Variants in MAN2B2 observed in about 807,000 individuals in gnomAD.
The protein encoded by MAN2B2 is epididymis-specific alpha-mannosidase.
MAN2B2 carries 106 observed loss-of-function variants against 117.1 expected under a neutral mutation model. The observed-to-expected ratio is 0.90, with a 90% CI of 0.77 to 1.06. MAN2B2 has a LOEUF of 1.06. Among genes scored for constraint, MAN2B2 ranks in the 50% least tolerant of loss-of-function variants. The pLI, the probability that MAN2B2 is intolerant of heterozygous loss-of-function variation, is 0.00. For synonymous variants in MAN2B2, 544 were observed against 595.1 expected, an observed-to-expected ratio of 0.91 and a Z score of 1.25; for missense variants, 1,326 against 1,381.4, an observed-to-expected ratio of 0.96 and a Z score of 0.64.
rs866457921 is a variant in MAN2B2 at position 6,621,196 on chromosome 4, ACCTCTC to A, written c.2946_2951del (p.Pro983_Ser984del). 2.6e-5 allele frequency: 42 copies of A among 1,613,582 alleles called. No individual in the cohort carries two copies. The Admixed American group carries it at 4.7e-4, about 18-fold the overall frequency. The stretch of plus-strand genomic sequence containing the variant: ...CACCTCTGTTCCCCTAGGTGACACC[ACCTCTC>A]CCTCGAGGCCACCAGGAGGCCCCAT... On this transcript the variant is annotated inframe_deletion, in exon 19 of 19. Transcript: ENST00000285599.
intron 3 of MAN2B2, among the ~76,000 whole-genome samples, chr4:6,582,399 C>T (rs1052225981): frequency 2.3e-4 from 35 of 152,116 alleles, no homozygotes; most frequent in Non-Finnish European, 1.5e-5. Flanking sequence ...AGTGCAGTGG[C>T]GCAATCTCGG....
At chr4:6,587,458 T>C (rs1317198536) in intron 4 of MAN2B2, among the ~76,000 whole-genome samples, 1 of 152,134 alleles carries the variant, frequency 6.6e-6, no homozygotes, top group Non-Finnish European at 1.5e-5. Flanking sequence ...GACTCTTTCT[T>C]TAGGCCCCTC....
chr4:6,589,218 TGCA>T, intron 5 of MAN2B2, 58 bp downstream of exon 5: 1 of 1,328,206 alleles, frequency 7.5e-7, no homozygotes, highest in Non-Finnish European at 1.1e-6. Context: ...GCCCAGCCCC[TGCA>T]GCTGTTCTGC....
chr4:6,586,950 A>G (rs190793499), intron 3 of MAN2B2, 46 bp from the exon 4 acceptor site: 51 of 1,574,524 alleles, frequency 3.2e-5, no homozygotes, highest in Non-Finnish European at 4.3e-5. Flanking sequence ...GCCGGGAGGC[A>G]CAGGCCCGCC....
chr4:6,619,226 G>A (rs1712043306), intron 17 of MAN2B2: 1 of 152,356 alleles, frequency 6.6e-6, no homozygotes, highest in African/African-American at 2.4e-5. Context: ...CATGTCCGAT[G>A]GACCCCAAGC....
intron 3 of MAN2B2, among the ~76,000 whole-genome samples, chr4:6,586,604 T>A (rs1726641585): frequency 6.6e-6 from 1 of 152,106 alleles, no homozygotes; most frequent in Non-Finnish European, 1.5e-5. Flanking sequence ...AGGCATCAAA[T>A]TCATGCAGTC....
Position 6,619,969 on chromosome 4 carries a change from C to T in MAN2B2, c.2857C>T (p.Arg953Cys), listed in dbSNP as rs375418009. 1.3e-5 allele frequency: 21 copies of T among 1,613,824 alleles called. No homozygotes were observed. Among genetic ancestry groups the T allele is most frequent in the South Asian group, 3.3e-5 (3 of 91,090 alleles). ...GGGGTCCGTGGTGGCAGTGGAGGAG[C>T]GCTCGCTCACAGGGACCTGGGATTT... ...ALGSVVAVEE[R>C]SLTGTWDLSM... The change falls in exon 18 of 19, where the codon CGC becomes TGC. Residue 953 changes from arginine to cysteine, a missense_variant. Arg to Cys is a radical substitution (Grantham distance 180). Coordinates refer to ENST00000285599, the MANE Select transcript of MAN2B2 (RefSeq NM_015274.3).
chr4:6,616,488 G>C (rs982593302), intron 16 of MAN2B2, among the ~76,000 whole-genome samples: 1 of 152,176 alleles, frequency 6.6e-6, no homozygotes, highest in Middle Eastern at 3.2e-3. Context: ...ATCCAGTGGG[G>C]TTAGCAGGAA....
Position 6,600,687 on chromosome 4 carries a change from C to T in MAN2B2, c.1470C>T (p.Ile490=), listed in dbSNP as rs183389770. Residue 490 remains isoleucine, a synonymous_variant, in exon 10 of 19, where the codon ATC becomes ATT. Coordinates refer to ENST00000285599, the MANE Select transcript of MAN2B2 (RefSeq NM_015274.3). ...YNPLAWTVTT[I]VTLTVGFPGV... ...CGCTGGCCTGGACGGTCACCACCAT[C>T]GTCACCCTGACTGTTGGTTTCCCTG... 50 of 1,614,058 alleles carry T rather than the reference C, an allele frequency of 3.1e-5. No homozygotes were observed. In the East Asian group the frequency reaches 1.0e-3, roughly 33 times the overall value.
At chr4:6,600,868 A>G (rs1020677975) in intron 10 of MAN2B2, 112 bp downstream of exon 10, 3 of 1,321,574 alleles carry the variant, frequency 2.3e-6, no homozygotes, top group Non-Finnish European at 3.1e-6. Flanking sequence ...CCTTTGTTTT[A>G]CAGAAGAGGA....
intron 3 of MAN2B2, 35 bp from the exon 4 acceptor site, chr4:6,586,961 C>T (rs761025221): frequency 6.3e-7 from 1 of 1,594,420 alleles, no homozygotes; most frequent in Non-Finnish European, 8.6e-7. Context: ...CAGGCCCGCC[C>T]TCCAGGCACC....
At chr4:6,615,549 C>CCGAGGTGTA (rs1271563952) in intron 16 of MAN2B2, among the ~76,000 whole-genome samples, 2 of 152,134 alleles carry the variant, frequency 1.3e-5, no homozygotes, top group African/African-American at 2.4e-5. Flanking sequence ...GTAATGCCAG[C>CCGAGGTGTA]ACTTTGGGAG....
At chr4:6,592,887 G>GA (rs2108742450) in intron 5 of MAN2B2, among the ~76,000 whole-genome samples, 1 of 152,212 alleles carries the variant, frequency 6.6e-6, no homozygotes, top group East Asian at 1.9e-4. Flanking sequence ...ACTAAGAATT[G>GA]AGGCACCCCC....
At position 6,614,366 on chromosome 4, in the gene MAN2B2, T is replaced by G. The variant is rs1577296022; in HGVS notation, c.2701+11T>G. 1 of 1,612,448 alleles carries G rather than the reference T, an allele frequency of 6.2e-7. No individual in the cohort carries two copies. The highest frequency in any genetic ancestry group is 8.5e-7 in the Non-Finnish European group (1 of 1,179,088). On this transcript the variant is annotated intron_variant, in intron 16 of 18. Transcript: ENST00000285599. ...AGAATCTCCGGAAAGGTGAGGCAGGTGCCCTGGCGTCTCAGACCTGCTCCT... is the reference window on the plus strand; with the variant it reads ...AGAATCTCCGGAAAGGTGAGGCAGGGGCCCTGGCGTCTCAGACCTGCTCCT...
chr4:6,582,751 A>G (rs10937746), intron 3 of MAN2B2, among the ~76,000 whole-genome samples: 54,948 of 151,582 alleles, frequency 0.36, 10,471 homozygotes, highest in East Asian at 0.6. Flanking sequence ...CCTCAACATC[A>G]TAAAGCAAGA....
chr4:6,598,411 G>A, intron 9 of MAN2B2, 57 bp downstream of exon 9: 9 of 1,554,836 alleles, frequency 5.8e-6, no homozygotes, highest in Non-Finnish European at 7.0e-6. Flanking sequence ...AGCCTGAGGA[G>A]GTCAGGGGAG....
chr4:6,587,470 C>T (rs1202945537), intron 4 of MAN2B2, among the ~76,000 whole-genome samples: 1 of 152,156 alleles, frequency 6.6e-6, no homozygotes, highest in East Asian at 1.9e-4. Flanking sequence ...AGGCCCCTCA[C>T]AGGGACTAGA....
chr4:6,576,780 G>A (rs1726080970), intron 2 of MAN2B2, 56 bp downstream of exon 2: 4 of 1,600,766 alleles, frequency 2.5e-6, no homozygotes, highest in Admixed American at 1.7e-5. Context: ...AGACCCAGGT[G>A]GAAAACTCAA....
intron 12 of MAN2B2, chr4:6,609,588 G>A (rs925698345): frequency 1.7e-5 from 11 of 655,528 alleles, no homozygotes; most frequent in African/African-American, 7.3e-5. Flanking sequence ...AGGCAGGCCC[G>A]GCATGGCAGC....
Sources: gnomAD v4.1 joint callset for allele counts (sites outside exome capture counted in the v4.1 genomes callset) on GRCh38, gnomAD v4.1.1 for gene constraint, MANE v1.5 for transcripts, NCBI Gene and HGNC (gene_info 2026-07-23, HGNC 2026-07-21) for gene names.